MRPS27: variants seen among roughly 807,000 people sequenced by gnomAD.
MRPS27 encodes small ribosomal subunit protein mS27.
Under a neutral mutation model 48.9 loss-of-function variants are expected in MRPS27, and 43 were observed. The observed-to-expected ratio is 0.88, with a 90% CI of 0.69 to 1.13. MRPS27 has a LOEUF of 1.13. Ranked by LOEUF, MRPS27 falls within the 50% of genes most tolerant of loss-of-function variation. The pLI, the probability that MRPS27 is intolerant of heterozygous loss-of-function variation, is 0.00. For missense variants in MRPS27, 467 were observed against 476.3 expected, an observed-to-expected ratio of 0.98 and a Z score of 0.18; for synonymous variants, 188 against 171.9, an observed-to-expected ratio of 1.09 and a Z score of -0.73.
chr5:72,308,127 T>C (rs1750328308), intron 2 of MRPS27, among the ~76,000 whole-genome samples: 2 of 151,994 alleles, frequency 1.3e-5, no homozygotes, highest in African/African-American at 4.8e-5. Context: ...GACAGCTGCA[T>C]TGGCGTCCAC....
Position 72,264,925 on chromosome 5 carries a change from C to G in MRPS27, c.282-26797G>C, listed in dbSNP as rs75992234. On this transcript the variant is annotated intron_variant, in intron 4 of 10. Transcript: ENST00000261413. ...AATGGAAAAAACAACGGAGGAAGTACGCTTAGAGAAGGAAGTATGAGCGGT... is the reference window on the plus strand; with the variant it reads ...AATGGAAAAAACAACGGAGGAAGTAGGCTTAGAGAAGGAAGTATGAGCGGT... Among the ~76,000 whole-genome samples, 773 of 152,206 alleles carry G rather than the reference C, an allele frequency of 5.1e-3. 3 individuals carry two copies. The highest frequency in any genetic ancestry group is 0.018 in the African/African-American group (743 of 41,520).
At chr5:72,235,281 G>A (rs988895294) in intron 5 of MRPS27, among the ~76,000 whole-genome samples, 2 of 151,990 alleles carry the variant, frequency 1.3e-5, no homozygotes, top group Non-Finnish European at 2.9e-5. Context: ...AAGCTGAAAG[G>A]GATTTTAGAA....
intron 2 of MRPS27, among the ~76,000 whole-genome samples, chr5:72,309,719 T>C (rs988136523): frequency 2.0e-5 from 3 of 152,168 alleles, no homozygotes; most frequent in Non-Finnish European, 4.4e-5. Context: ...TAGGAAAGTG[T>C]TAATAAGCTT....
chr5:72,311,346 GCAAAAA>G (rs1316941906), intron 2 of MRPS27, among the ~76,000 whole-genome samples: 1 of 151,624 alleles, frequency 6.6e-6, no homozygotes, highest in African/African-American at 2.4e-5. Flanking sequence ...GAGAGAGAAA[GCAAAAA>G]CAAATGAATC....
At chr5:72,283,325 C>G (rs751565237) in intron 4 of MRPS27, among the ~76,000 whole-genome samples, 1 of 152,066 alleles carries the variant, frequency 6.6e-6, no homozygotes, top group Non-Finnish European at 1.5e-5. Context: ...CTATGTCACA[C>G]TGTTAGGAGG....
chr5:72,268,343 C>A (rs531989265), intron 4 of MRPS27, among the ~76,000 whole-genome samples: 1 of 152,136 alleles, frequency 6.6e-6, no homozygotes, highest in African/African-American at 2.4e-5. Context: ...AACAAATACT[C>A]GGCAACATTT....
chr5:72,284,959 A>G (rs1290605725), intron 4 of MRPS27, among the ~76,000 whole-genome samples: 1 of 152,210 alleles, frequency 6.6e-6, no homozygotes, highest in Non-Finnish European at 1.5e-5. Flanking sequence ...ATATGAGTGT[A>G]TCAGGAGGTT....
At chr5:72,255,031 T>C (rs1009313476) in intron 4 of MRPS27, among the ~76,000 whole-genome samples, 5 of 59,264 alleles carry the variant, frequency 8.4e-5, no homozygotes, top group Non-Finnish European at 1.4e-4. Flanking sequence ...TTTCTTTTCT[T>C]TTTTTTTTTT....
intron 4 of MRPS27, among the ~76,000 whole-genome samples, chr5:72,279,489 G>A (rs868196815): frequency 6.6e-6 from 1 of 152,082 alleles, no homozygotes; most frequent in South Asian, 2.1e-4. Context: ...AGGTGCAGTG[G>A]CTCACGCCTA....
At chr5:72,259,464 G>A (rs1218528753) in intron 4 of MRPS27, among the ~76,000 whole-genome samples, 4 of 91,124 alleles carry the variant, frequency 4.4e-5, no homozygotes, top group African/African-American at 1.0e-4. Context: ...GTGAAACTTC[G>A]TCTCAAAAAA....
chr5:72,238,001 C>CG lies in MRPS27; in HGVS notation c.396+12dup, dbSNP rs1561333649. ...CTCAGGAAAACAGGCTGCAGATCCA[C>CG]GGAACAACTCACCTTATTTACAAGG... On this transcript the variant is annotated intron_variant, in intron 5 of 10. Transcript: ENST00000261413. 3 of 1,583,940 alleles carry CG rather than the reference C, an allele frequency of 1.9e-6. No homozygotes were observed. Among genetic ancestry groups the CG allele is most frequent in the South Asian group, 2.2e-5 (2 of 90,390 alleles).
chr5:72,285,438 AT>A (rs1749647033), intron 4 of MRPS27, among the ~76,000 whole-genome samples: 1 of 152,228 alleles, frequency 6.6e-6, no homozygotes, highest in Non-Finnish European at 1.5e-5. Flanking sequence ...TTATCTACTT[AT>A]CATATCCTGG....
At chr5:72,291,813 G>A (rs1430706003) in intron 4 of MRPS27, among the ~76,000 whole-genome samples, 1 of 152,228 alleles carries the variant, frequency 6.6e-6, no homozygotes, top group Non-Finnish European at 1.5e-5. Context: ...AGCATGGTCT[G>A]GCCTATCTCC....
intron 4 of MRPS27, 29 bp downstream of exon 4, chr5:72,295,502 T>C: frequency 6.4e-7 from 1 of 1,557,390 alleles, no homozygotes. Flanking sequence ...AATCACAGAG[T>C]ACATAGCCAA....
chr5:72,308,260 A>G (rs1232441502), intron 2 of MRPS27, among the ~76,000 whole-genome samples: 2 of 152,234 alleles, frequency 1.3e-5, no homozygotes, highest in African/African-American at 4.8e-5. Flanking sequence ...CCGAGAGGCC[A>G]GAACCTCTCT....
At chr5:72,299,559 T>G (rs1272193884) in intron 2 of MRPS27, among the ~76,000 whole-genome samples, 2 of 152,244 alleles carry the variant, frequency 1.3e-5, no homozygotes, top group Non-Finnish European at 1.5e-5. Context: ...ATTTAAAAAT[T>G]GAAATTTATC....
intron 4 of MRPS27, among the ~76,000 whole-genome samples, chr5:72,283,216 T>C (rs1030652452): frequency 2.6e-5 from 4 of 152,226 alleles, no homozygotes; most frequent in South Asian, 2.1e-4. Context: ...CTTCCCATCC[T>C]GACTCCTTCA....
intron 4 of MRPS27, among the ~76,000 whole-genome samples, chr5:72,264,310 G>GAT (rs1749054448): frequency 6.6e-6 from 1 of 152,086 alleles, no homozygotes; most frequent in South Asian, 2.1e-4. Flanking sequence ...TAGAAACAGA[G>GAT]ATAGTTATTG....
At chr5:72,293,747 C>G (rs1385140187) in intron 4 of MRPS27, among the ~76,000 whole-genome samples, 3 of 152,230 alleles carry the variant, frequency 2.0e-5, no homozygotes, top group Non-Finnish European at 4.4e-5. Flanking sequence ...GAATTTGGAA[C>G]ATACTTCTCC....
Sources: allele counts gnomAD v4.1 joint callset (sites outside exome capture counted in the v4.1 genomes callset), GRCh38; gene constraint gnomAD v4.1.1; transcripts MANE v1.5; gene names NCBI Gene and HGNC (gene_info 2026-07-23, HGNC 2026-07-21).